OXR1: variants seen among roughly 807,000 people sequenced by gnomAD.
The protein encoded by OXR1 is oxidation resistance 1, also known as oxidation resistance protein 1.
OXR1 carries 41 observed loss-of-function variants against 104.6 expected under a neutral mutation model. The observed-to-expected ratio is 0.39, with a 90% CI of 0.31 to 0.51. OXR1 has a LOEUF of 0.51. Ranked by LOEUF, OXR1 falls within the 20% of genes least tolerant of loss-of-function variation. The pLI, the probability that OXR1 is intolerant of heterozygous loss-of-function variation, is 0.77. For synonymous variants in OXR1, 348 were observed against 348.4 expected, an observed-to-expected ratio of 1.00 and a Z score of 0.01; for missense variants, 955 against 1,031.9, an observed-to-expected ratio of 0.93 and a Z score of 1.02.
intron 1 of OXR1, among the ~76,000 whole-genome samples, chr8:106,282,486 T>C (rs1295344954): frequency 6.6e-6 from 1 of 152,170 alleles, no homozygotes; most frequent in Non-Finnish European, 1.5e-5. Flanking sequence ...ACATATAACA[T>C]TCGACCCCTC....
chr8:106,389,387 G>A (rs1340629434), intron 2 of OXR1, among the ~76,000 whole-genome samples: 1 of 152,190 alleles, frequency 6.6e-6, no homozygotes, highest in East Asian at 1.9e-4. Context: ...AGGCATGTCT[G>A]TATTTGACTG....
chr8:106,462,940 A>G (rs980583004), intron 2 of OXR1, among the ~76,000 whole-genome samples: 3 of 152,076 alleles, frequency 2.0e-5, no homozygotes, highest in Non-Finnish European at 4.4e-5. Flanking sequence ...TAATAATAAT[A>G]CCTAACATTT....
chr8:106,735,554 T>C (rs1834291865), intron 11 of OXR1, among the ~76,000 whole-genome samples: 1 of 152,080 alleles, frequency 6.6e-6, no homozygotes, highest in Admixed American at 6.6e-5. Context: ...TTTTAGAATA[T>C]AGATATAAGA....
chr8:106,527,045 G>C (rs975767119), intron 3 of OXR1, among the ~76,000 whole-genome samples: 1 of 152,162 alleles, frequency 6.6e-6, no homozygotes, highest in Non-Finnish European at 1.5e-5. Context: ...TAAAGTCCAA[G>C]TTGGACCTTT....
chr8:106,278,820 T>A (rs891196588), intron 1 of OXR1, among the ~76,000 whole-genome samples: 1 of 152,198 alleles, frequency 6.6e-6, no homozygotes, highest in Non-Finnish European at 1.5e-5. Flanking sequence ...TGCCTTATTT[T>A]AAAATGTCTT....
intron 2 of OXR1, among the ~76,000 whole-genome samples, chr8:106,395,148 T>C (rs1817727460): frequency 1.3e-5 from 2 of 152,156 alleles, no homozygotes; most frequent in Non-Finnish European, 2.9e-5. Flanking sequence ...TTGATGTATG[T>C]GTATGTTTTA....
At chr8:106,434,980 G>A (rs577001285) in intron 2 of OXR1, among the ~76,000 whole-genome samples, 1 of 152,218 alleles carries the variant, frequency 6.6e-6, no homozygotes, top group Non-Finnish European at 1.5e-5. Context: ...ATAACACAGG[G>A]CGGCATGACT....
intron 3 of OXR1, among the ~76,000 whole-genome samples, chr8:106,671,044 C>CAAAAAAAAAGAAAAAAAA (rs1826904805): frequency 2.0e-5 from 1 of 48,926 alleles, no homozygotes; most frequent in African/African-American, 1.2e-4. Context: ...GACTCTGTCT[C>CAAAAAAAAAGAAAAAAAA]AAAAAAAAAA....
intron 3 of OXR1, among the ~76,000 whole-genome samples, chr8:106,544,604 A>C (rs1258643527): frequency 1.3e-5 from 2 of 152,184 alleles, no homozygotes; most frequent in Non-Finnish European, 2.9e-5. Context: ...CACTACGAAA[A>C]AGTATTCTGT....
intron 3 of OXR1, among the ~76,000 whole-genome samples, chr8:106,613,945 TC>T (rs1173587036): frequency 1.3e-5 from 2 of 152,034 alleles, no homozygotes; most frequent in African/African-American, 4.8e-5. Flanking sequence ...TGCATTTGTT[TC>T]CCCATCTGGC....
At chr8:106,375,199 CTAG>C (rs1816859599) in intron 2 of OXR1, among the ~76,000 whole-genome samples, 1 of 152,226 alleles carries the variant, frequency 6.6e-6, no homozygotes, top group East Asian at 1.9e-4. Context: ...TGTAATATTG[CTAG>C]TAGTGTTTTT....
intron 2 of OXR1, among the ~76,000 whole-genome samples, chr8:106,503,903 G>T (rs1233293705): frequency 6.6e-6 from 1 of 152,320 alleles, no homozygotes; most frequent in Non-Finnish European, 1.5e-5. Flanking sequence ...AAGGAGCTAT[G>T]AGTGACCAGT....
At chr8:106,304,315 A>T (rs891658522) in intron 1 of OXR1, among the ~76,000 whole-genome samples, 3 of 152,218 alleles carry the variant, frequency 2.0e-5, no homozygotes, top group African/African-American at 7.2e-5. Context: ...GTCAAAGCTT[A>T]GAATTATATC....
chr8:106,541,387 T>G (rs1310091659), intron 3 of OXR1, among the ~76,000 whole-genome samples: 2 of 152,218 alleles, frequency 1.3e-5, no homozygotes, highest in Admixed American at 6.6e-5. Context: ...TATTTTCACT[T>G]CATGTGCCTC....
At chr8:106,357,829 G>A (rs916985229) in intron 1 of OXR1, among the ~76,000 whole-genome samples, 28 of 151,952 alleles carry the variant, frequency 1.8e-4, no homozygotes, top group Admixed American at 1.3e-3. Context: ...CATGTTTTCC[G>A]CTTTGCAGTA....
At chr8:106,296,667 A>C (rs1298160240) in intron 1 of OXR1, among the ~76,000 whole-genome samples, 1 of 152,178 alleles carries the variant, frequency 6.6e-6, no homozygotes, top group Non-Finnish European at 1.5e-5. Flanking sequence ...TAGTAAGGCC[A>C]GTGTACATAT....
At chr8:106,339,782 G>A (rs1046166509) in intron 1 of OXR1, among the ~76,000 whole-genome samples, 23 of 151,304 alleles carry the variant, frequency 1.5e-4, no homozygotes, top group African/African-American at 5.1e-4. Context: ...TCATAAATTC[G>A]TTAGTAAAAC....
At chr8:106,484,684 A>T (rs72680909) in intron 2 of OXR1, among the ~76,000 whole-genome samples, 1 of 152,162 alleles carries the variant, frequency 6.6e-6, no homozygotes, top group Non-Finnish European at 1.5e-5. Flanking sequence ...GCTGACAAGG[A>T]TGTGTGACAA....
intron 7 of OXR1, among the ~76,000 whole-genome samples, chr8:106,701,493 A>T (rs1830579669): frequency 6.6e-6 from 1 of 152,232 alleles, no homozygotes; most frequent in Non-Finnish European, 1.5e-5. Context: ...TGTGATGCCA[A>T]ATCAATCAGG....
Sources: gnomAD v4.1 joint callset for allele counts (sites outside exome capture counted in the v4.1 genomes callset) on GRCh38, gnomAD v4.1.1 for gene constraint, MANE v1.5 for transcripts, NCBI Gene and HGNC (gene_info 2026-07-23, HGNC 2026-07-21) for gene names.